AGRN: variants seen among roughly 807,000 people sequenced by gnomAD.
AGRN encodes agrin proteoglycan.
A neutral mutation model predicts 211.0 loss-of-function variants in AGRN; 106 were observed. The observed-to-expected ratio is 0.50, with a 90% CI of 0.43 to 0.59. The LOEUF is 0.59. AGRN is among the 20% of genes least tolerant of loss of function. The pLI is 0.00. For synonymous variants in AGRN, 1,525 were observed against 1,332.5 expected (o/e 1.14, Z -3.15); for missense variants, 3,040 against 2,982.6 (o/e 1.02, Z -0.45).
chr1:1,055,274 C>A lies in AGRN; in HGVS notation c.*293C>A, dbSNP rs1645423800. ...CACGGTGTCCCCGCCGGGAAGCAGC[C>A]CCGGCTCCTGAATCACCCTCGCTCC... On this transcript the variant is annotated 3_prime_UTR_variant, in exon 36 of 36. Coordinates refer to ENST00000379370, the MANE Select transcript of AGRN (RefSeq NM_198576.4). The A allele has an allele frequency of 1.7e-5, 8 of 466,234 alleles. No individual in the cohort carries two copies. The highest frequency in any genetic ancestry group is 3.2e-5 in the Non-Finnish European group (8 of 250,864). 28.9% of individuals were successfully genotyped at this position (466,234 alleles called of 1,614,324 possible).
chr1:1,048,520 C>T lies in AGRN; in HGVS notation c.4105+155C>T. 5.7e-6 allele frequency: 4 copies of T among 705,202 alleles called. No homozygotes were observed. Among genetic ancestry groups the T allele is most frequent in the South Asian group, 4.3e-5 (2 of 46,178 alleles). The allele number at this position is 705,202 out of a possible 1,614,324, so 43.7% of individuals were successfully genotyped here. A position where few individuals can be genotyped will look rare whatever the true frequency, so the allele number is the denominator to read the frequency against. On this transcript the variant is annotated intron_variant, in intron 23 of 35. Coordinates refer to ENST00000379370, the MANE Select transcript of AGRN (RefSeq NM_198576.4). The surrounding 1 kb of genome is among the most constrained non-coding windows in gnomAD (Gnocchi z 5.9). The stretch of plus-strand genomic sequence containing the variant: ...ATGCGGTGGCTCACGCCTGTAATCC[C>T]AGCACTTTGGGAGGCCGAGGCAGGC...
Position 1,045,356 on chromosome 1 carries a change from C to T in AGRN, c.2372-3C>T, listed in dbSNP as rs1455428482. 2 of 1,611,622 alleles carry T rather than the reference C, an allele frequency of 1.2e-6. No homozygotes were observed. The highest frequency in any genetic ancestry group is 1.6e-4 in the Middle Eastern group (1 of 6,084). ...GTGACCTTGTCCTGCCCTGGCCTTTCAGGTGCCTGCCAGTGCAACCCCCAT... is the reference window on the plus strand; with the variant it reads ...GTGACCTTGTCCTGCCCTGGCCTTTTAGGTGCCTGCCAGTGCAACCCCCAT... On this transcript the variant is annotated splice_region_variant and splice_polypyrimidine_tract_variant and intron_variant, in intron 13 of 35. Transcript: ENST00000379370.
At chr1:1,028,594 T>G in intron 2 of AGRN, among the ~76,000 whole-genome samples, 1 of 115,912 alleles carries the variant, frequency 8.6e-6, no homozygotes, top group Non-Finnish European at 1.8e-5. Flanking sequence ...CAGCCCCTCG[T>G]GGGCCAAGGG....
chr1:1,020,793 C>T (rs993426394), intron 1 of AGRN, among the ~76,000 whole-genome samples: 3 of 146,752 alleles, frequency 2.0e-5, no homozygotes, highest in East Asian at 2.1e-4. Context: ...GAAAAAGGGG[C>T]GCACAGCCTG....
rs1042435801 is a variant in AGRN, at chr1:1,043,930, G to A, written c.1906G>A (p.Gly636Ser). 23 of 1,609,000 alleles carry A rather than the reference G, an allele frequency of 1.4e-5. No homozygotes were observed. The highest frequency in any genetic ancestry group is 6.7e-5 in the Admixed American group (4 of 59,870). ...GCCCGGCCCCGTGTGTGGCAGCGAC[G>A]GTGTCACCTACGGCAGTGCCTGCGA... ...PPPGPVCGSD[G>S]VTYGSACELR... The change falls in exon 10 of 36, where the codon GGT becomes AGT. Residue 636 changes from glycine to serine, a missense_variant. Around this residue, in one of 3 missense-constraint regions of AGRN, gnomAD observed 1,498 missense variants for 1,457.8 expected, o/e 1.03. Coordinates refer to ENST00000379370, the MANE Select transcript of AGRN (RefSeq NM_198576.4).
At chr1:1,029,328 AAATT>A (rs1218751332) in intron 2 of AGRN, among the ~76,000 whole-genome samples, 1 of 147,506 alleles carries the variant, frequency 6.8e-6, no homozygotes, top group Non-Finnish European at 1.5e-5. Context: ...TTGAGGGACA[AAATT>A]AATGTTGCAC....
Position 1,050,421 on chromosome 1 carries a change from C to T in AGRN, c.4977-6C>T. The T allele has an allele frequency of 1.2e-6, 2 of 1,612,862 alleles. No individual in the cohort carries two copies. The highest frequency in any genetic ancestry group is 8.5e-7 in the Non-Finnish European group (1 of 1,179,868). ...GCAAAGACACCCCGACTCCCCATGA[C>T]CCCAGGGAGAAGATGGCGCTGGAGG... On this transcript the variant is annotated splice_region_variant and splice_polypyrimidine_tract_variant and intron_variant, in intron 28 of 35. Transcript: ENST00000379370.
rs373653720 is a variant in AGRN, at chr1:1,050,046, C to T, written c.4879+9C>T. 3.2e-5 allele frequency: 18 copies of T among 554,438 alleles called. No homozygotes were observed. Among genetic ancestry groups the T allele is most frequent in the Non-Finnish European group, 4.8e-5 (16 of 334,732 alleles). The allele number at this position is 554,438 out of a possible 1,614,324, so 34.3% of individuals were successfully genotyped here. ...CACCTTCTGCCAGACAGGTCGGGGG[C>T]GTGGGGCTCTCGGGGCAGGGGGGGG... On this transcript the variant is annotated intron_variant, in intron 27 of 35. Coordinates refer to ENST00000379370, the MANE Select transcript of AGRN (RefSeq NM_198576.4).
chr1:1,041,628 G>A lies in AGRN; in HGVS notation c.1103G>A (p.Cys368Tyr). The change falls in exon 6 of 36, where the codon TGT becomes TAT. Residue 368 changes from cysteine (C) to tyrosine (Y), a missense_variant. Around this residue, in one of 3 missense-constraint regions of AGRN, gnomAD observed 1,498 missense variants for 1,457.8 expected, o/e 1.03. Transcript: ENST00000379370. ...GACGGAGTCACCTACGAAAACGACT[G>A]TGTCATGGGCCGATCGGGGGCCGCC... ...GDDGVTYENDCVMGRSGAARG... is the reference protein window; with the variant it reads ...GDDGVTYENDYVMGRSGAARG... The A allele has an allele frequency of 1.2e-6, 2 of 1,611,422 alleles. No homozygotes were observed. The highest frequency in any genetic ancestry group is 1.7e-6 in the Non-Finnish European group (2 of 1,179,212).
At position 1,047,522 on chromosome 1, in the gene AGRN, G is replaced by A. The variant is rs770680481; in HGVS notation, c.3517-51G>A. On this transcript the variant is annotated intron_variant, in intron 20 of 35. Coordinates refer to ENST00000379370, the MANE Select transcript of AGRN (RefSeq NM_198576.4). ...CCCCAGATACCCAGAGCAGCACCAG[G>A]GCAGCCCGGCTTGGGCGGCCCCCCA... 55 of 1,612,810 alleles carry A rather than the reference G, an allele frequency of 3.4e-5. No individual in the cohort carries two copies. In the South Asian group the frequency reaches 6.0e-4, roughly 18 times the overall value.
Position 1,046,956 on chromosome 1 carries a change from C to G in AGRN, c.3387C>G (p.Pro1129=), listed in dbSNP as rs758046832. 1.3e-6 allele frequency: 2 copies of G among 1,577,860 alleles called. No individual in the cohort carries two copies. The highest frequency in any genetic ancestry group is 1.7e-6 in the Non-Finnish European group (2 of 1,162,832). The part of the protein sequence containing the change: ...PSLDAEGSNC[P]ATKVFQGVLE... ...TGGACGCAGAGGGCTCCAACTGCCC[C>G]GGTGAGTGGACGGCTGGGCGAGGGG... The change falls in exon 19 of 36, where the codon CCC becomes CCG. Residue 1129 remains proline, a splice_region_variant and synonymous_variant. Coordinates refer to ENST00000379370, the MANE Select transcript of AGRN (RefSeq NM_198576.4).
chr1:1,033,436 GGGTGC>G (rs1644718765), intron 2 of AGRN, among the ~76,000 whole-genome samples: 1 of 150,726 alleles, frequency 6.6e-6, no homozygotes, highest in South Asian at 2.1e-4. Context: ...TCACCCCCGC[GGGTGC>G]GGGGCGCGGA....
chr1:1,020,337 C>T lies in AGRN; in HGVS notation c.165C>T (p.Leu55=), dbSNP rs1644367802. 3 of 1,494,312 alleles carry T rather than the reference C, an allele frequency of 2.0e-6. No individual in the cohort carries two copies. The highest frequency in any genetic ancestry group is 1.5e-5 in the African/African-American group (1 of 68,486). The allele number at this position is 1,494,312 out of a possible 1,614,324, so 92.6% of individuals were successfully genotyped here. ...VVLTGTVEEI[L]NVDPVQHTYS... ...TCACCGGGACGGTGGAGGAGATCCT[C>T]AACGTGGACCCGGTGCAGCACACGT... Residue 55 remains leucine (L), a synonymous_variant, in exon 1 of 36, where the codon CTC becomes CTT. Transcript: ENST00000379370.
chr1:1,038,784 C>T (rs113181980), intron 3 of AGRN, among the ~76,000 whole-genome samples: 1,588 of 152,276 alleles, frequency 0.01, 27 homozygotes, highest in African/African-American at 0.036. Flanking sequence ...AGCAGGTGCC[C>T]GTTGGATTTG....
intron 2 of AGRN, 135 bp from the exon 3 acceptor site, chr1:1,035,142 A>G: frequency 9.9e-7 from 1 of 1,007,610 alleles, no homozygotes. Flanking sequence ...TGGACCCTTC[A>G]GCAGCCTGGA....
chr1:1,029,468 A>T (rs4970344), intron 2 of AGRN, among the ~76,000 whole-genome samples: 121,225 of 137,284 alleles, frequency 0.88, 53,980 homozygotes, highest in East Asian at 1. Flanking sequence ...CGTGTCTATG[A>T]GGGCAGGTGG....
intron 1 of AGRN, among the ~76,000 whole-genome samples, chr1:1,021,912 C>T (rs1408414904): frequency 2.0e-5 from 3 of 152,216 alleles, no homozygotes; most frequent in South Asian, 2.1e-4. Flanking sequence ...TTCCCAAATT[C>T]GGCCTTAGCT....
intron 2 of AGRN, among the ~76,000 whole-genome samples, chr1:1,024,935 C>A (rs1295638665): frequency 6.6e-6 from 1 of 152,206 alleles, no homozygotes; most frequent in Admixed American, 6.5e-5. Context: ...GGCCTGGCCT[C>A]CGCAGTGCCA....
At position 1,049,111 on chromosome 1, in the gene AGRN, C is replaced by CG. The variant is rs754994713; in HGVS notation, c.4298+55dup. Reference sequence around the variant, plus strand: ...GCAGCTCAGGTGGGCGGGGAGGGGACGGGCGGGGGAGGGGGGGCCGGGGCA... The same window carrying CG: ...GCAGCTCAGGTGGGCGGGGAGGGGACGGGGCGGGGGAGGGGGGGCCGGGGCA... On this transcript the variant is annotated intron_variant, in intron 24 of 35. Coordinates refer to ENST00000379370, the MANE Select transcript of AGRN (RefSeq NM_198576.4). 4,840 of 341,956 alleles carry CG rather than the reference C, an allele frequency of 0.014. 62 individuals are homozygous for CG. The highest frequency in any genetic ancestry group is 0.041 in the African/African-American group (553 of 13,512). The allele number at this position is 341,956 out of a possible 1,614,324, so 21.2% of individuals were successfully genotyped here.
Sources: gnomAD v4.1 joint callset for allele counts (sites outside exome capture counted in the v4.1 genomes callset) on GRCh38, gnomAD v4.1.1 for gene constraint, gnomAD v4.1.1 regional missense constraint, Gnocchi (gnomAD v3.1) non-coding constraint, MANE v1.5 for transcripts, NCBI Gene and HGNC (gene_info 2026-07-23, HGNC 2026-07-21) for gene names.